NEGR1: variants seen among roughly 807,000 people sequenced by gnomAD.
NEGR1 encodes IgLON family member 4.
A neutral mutation model predicts 40.9 loss-of-function variants in NEGR1; 10 were observed. That is an observed-to-expected ratio of 0.24 (90% CI 0.15 to 0.42). The LOEUF is 0.42. Ranked by LOEUF, NEGR1 falls within the 10% of genes least tolerant of loss-of-function variation. The pLI, the probability that NEGR1 is intolerant of heterozygous loss-of-function variation, is 1.00. For missense variants in NEGR1, 352 were observed against 438.9 expected (o/e 0.80, Z 1.77); for synonymous variants, 185 against 166.8 (o/e 1.11, Z -0.84).
At chr1:71,717,351 GT>G (rs1002917875) in intron 3 of NEGR1, among the ~76,000 whole-genome samples, 6 of 152,050 alleles carry the variant, frequency 3.9e-5, no homozygotes, top group Admixed American at 3.9e-4. Flanking sequence ...CAGCATATTT[GT>G]TTTTATTGTC....
At chr1:71,850,782 A>G (rs1453593164) in intron 2 of NEGR1, among the ~76,000 whole-genome samples, 1 of 152,162 alleles carries the variant, frequency 6.6e-6, no homozygotes, top group African/African-American at 2.4e-5. Context: ...ATACAATATT[A>G]TTTATTATTT....
intron 1 of NEGR1, among the ~76,000 whole-genome samples, chr1:72,021,932 G>A (rs1186712317): frequency 6.6e-6 from 1 of 151,994 alleles, no homozygotes; most frequent in Admixed American, 6.6e-5. Context: ...TCAGGAGATT[G>A]AGACCATCCT....
chr1:71,430,558 T>G (rs950141954), intron 6 of NEGR1, among the ~76,000 whole-genome samples: 1 of 152,054 alleles, frequency 6.6e-6, no homozygotes, highest in African/African-American at 2.4e-5. Context: ...CAGCATAGAG[T>G]TGGCTATAAA....
intron 2 of NEGR1, among the ~76,000 whole-genome samples, chr1:71,864,276 A>T (rs1223034703): frequency 6.6e-6 from 1 of 152,124 alleles, no homozygotes; most frequent in Non-Finnish European, 1.5e-5. Flanking sequence ...ACAGGCATGC[A>T]GTTCTTGGTC....
intron 3 of NEGR1, among the ~76,000 whole-genome samples, chr1:71,715,942 C>T (rs1654257237): frequency 6.6e-6 from 1 of 152,128 alleles, no homozygotes; most frequent in South Asian, 2.1e-4. Flanking sequence ...TATAGCAGCA[C>T]CCTACTCTCT....
intron 3 of NEGR1, among the ~76,000 whole-genome samples, chr1:71,742,912 T>C (rs1194916565): frequency 6.6e-6 from 1 of 152,188 alleles, no homozygotes; most frequent in Non-Finnish European, 1.5e-5. Context: ...GTTGAAGCCC[T>C]GACTCCCAGT....
chr1:71,548,712 T>C (rs963266078), intron 6 of NEGR1, among the ~76,000 whole-genome samples: 5 of 151,630 alleles, frequency 3.3e-5, no homozygotes, highest in African/African-American at 9.7e-5. Flanking sequence ...TATTGTCACT[T>C]CAGAAATAAA....
intron 2 of NEGR1, among the ~76,000 whole-genome samples, chr1:71,817,587 T>C (rs1396831117): frequency 6.6e-6 from 1 of 151,972 alleles, no homozygotes; most frequent in Admixed American, 6.6e-5. Context: ...GGCGTTTAGT[T>C]TTTGGAGCTA....
chr1:71,666,310 G>A (rs936957598), intron 4 of NEGR1, among the ~76,000 whole-genome samples: 5 of 152,008 alleles, frequency 3.3e-5, no homozygotes, highest in Admixed American at 6.6e-5. Flanking sequence ...TTAAAAACAC[G>A]GGTCTCAAAC....
At chr1:71,729,847 G>GT (rs1407803172) in intron 3 of NEGR1, among the ~76,000 whole-genome samples, 4 of 146,112 alleles carry the variant, frequency 2.7e-5, no homozygotes, top group South Asian at 2.2e-4. Context: ...TTTGGTTTTT[G>GT]GTTTTTTTTT....
At chr1:71,772,218 A>G (rs1045724896) in intron 3 of NEGR1, among the ~76,000 whole-genome samples, 4 of 152,186 alleles carry the variant, frequency 2.6e-5, no homozygotes, top group Admixed American at 6.6e-5. Flanking sequence ...AAAGGGGTCA[A>G]TATGGTGAAA....
chr1:72,195,761 CT>C (rs1652980048), intron 1 of NEGR1, among the ~76,000 whole-genome samples: 1 of 151,882 alleles, frequency 6.6e-6, no homozygotes, highest in Admixed American at 6.6e-5. Context: ...TGATTGATAC[CT>C]TTTATATACA....
At chr1:71,727,794 T>C (rs1407127912) in intron 3 of NEGR1, among the ~76,000 whole-genome samples, 1 of 152,170 alleles carries the variant, frequency 6.6e-6, no homozygotes, top group East Asian at 1.9e-4. Flanking sequence ...AGCGATCTTA[T>C]TCCACATGTG....
chr1:71,607,187 G>T (rs1208474813), intron 5 of NEGR1, among the ~76,000 whole-genome samples: 5 of 152,140 alleles, frequency 3.3e-5, no homozygotes, highest in Admixed American at 3.3e-4. Context: ...AGACCTCAGA[G>T]GTCAAGAAGA....
intron 1 of NEGR1, among the ~76,000 whole-genome samples, chr1:72,071,004 G>C (rs1386894154): frequency 6.6e-6 from 1 of 151,860 alleles, no homozygotes; most frequent in Non-Finnish European, 1.5e-5. Flanking sequence ...TTTCTTTTAT[G>C]TAGTCCCATA....
rs574838757 is a variant in NEGR1 at position 71,499,775 on chromosome 1, A to T, written c.941-92205T>A. Among the ~76,000 whole-genome samples, 5 of 152,128 alleles carry T rather than the reference A, an allele frequency of 3.3e-5. No individual in the cohort carries two copies. In the East Asian group the frequency reaches 7.7e-4, roughly 24 times the overall value. On this transcript the variant is annotated intron_variant, in intron 6 of 6. Coordinates refer to ENST00000357731, the MANE Select transcript of NEGR1 (RefSeq NM_173808.3). The stretch of plus-strand genomic sequence containing the variant: ...AAATCTGTCATTCCTGATCTAGTGC[A>T]ATCTATTGTGATAGAAAAATAATTC...
chr1:71,493,058 A>G (rs1203337886), intron 6 of NEGR1, among the ~76,000 whole-genome samples: 3 of 152,076 alleles, frequency 2.0e-5, no homozygotes, highest in Admixed American at 6.6e-5. Context: ...CATACTCCCC[A>G]TCTAGCCATA....
chr1:71,846,836 A>C (rs182352132), intron 2 of NEGR1, among the ~76,000 whole-genome samples: 1 of 152,270 alleles, frequency 6.6e-6, no homozygotes, highest in African/African-American at 2.4e-5. Context: ...TAAATGCACT[A>C]ATCTAAACCA....
intron 2 of NEGR1, among the ~76,000 whole-genome samples, chr1:71,860,783 A>G (rs185417391): frequency 3.1e-4 from 47 of 152,208 alleles, no homozygotes; most frequent in South Asian, 1.9e-3. Flanking sequence ...TGTACAGATG[A>G]AAAAATAAAT....
Sources: allele counts gnomAD v4.1 joint callset (sites outside exome capture counted in the v4.1 genomes callset), GRCh38; gene constraint gnomAD v4.1.1; transcripts MANE v1.5; gene names NCBI Gene and HGNC (gene_info 2026-07-23, HGNC 2026-07-21).